GPR158: variants seen among roughly 807,000 people sequenced by gnomAD.
The protein encoded by GPR158 is metabotropic glycine receptor.
A neutral mutation model predicts 78.2 loss-of-function variants in GPR158; 30 were observed. The observed-to-expected ratio is 0.38, with a 90% confidence interval of 0.29 to 0.52. The LOEUF (loss-of-function observed/expected upper bound fraction) is 0.52. GPR158 is among the 20% of genes least tolerant of loss of function. The pLI is 0.83. For synonymous variants in GPR158, 581 were observed against 591.1 expected (o/e 0.98, Z 0.25); for missense variants, 1,463 against 1,523.5 (o/e 0.96, Z 0.66).
intron 4 of GPR158, among the ~76,000 whole-genome samples, chr10:25,431,998 A>G (rs1834916148): frequency 1.2e-5 from 1 of 80,240 alleles, no homozygotes; most frequent in South Asian, 4.6e-4. Flanking sequence ...AACTTAAAGT[A>G]TAATAATAAT....
At position 25,235,288 on chromosome 10, in the gene GPR158, C is replaced by T. The variant is rs112447254; in HGVS notation, c.1008+14131C>T. Among the ~76,000 whole-genome samples the T allele has an allele frequency of 3.1e-3, 475 of 152,246 alleles. 5 individuals are homozygous for T. The highest frequency in any genetic ancestry group is 0.011 in the African/African-American group (461 of 41,538). On this transcript the variant is annotated intron_variant, in intron 2 of 10. Coordinates refer to ENST00000376351, the MANE Select transcript of GPR158 (RefSeq NM_020752.3). ...TGTGATATAAATTTTACTTCAATATCTCATGAATCTATTTTCTTCTCTTAT... is the reference window on the plus strand; with the variant it reads ...TGTGATATAAATTTTACTTCAATATTTCATGAATCTATTTTCTTCTCTTAT...
chr10:25,581,893 TA>T (rs975296176), intron 7 of GPR158, among the ~76,000 whole-genome samples: 6 of 151,412 alleles, frequency 4.0e-5, no homozygotes, highest in Admixed American at 6.6e-5. Context: ...GTAATTTACT[TA>T]AAAAAAAAGT....
chr10:25,262,555 G>T (rs1588764534), intron 2 of GPR158, among the ~76,000 whole-genome samples: 1 of 151,668 alleles, frequency 6.6e-6, no homozygotes, highest in African/African-American at 2.4e-5. Context: ...TTACAATTTT[G>T]CAAAATTAAT....
At chr10:25,581,883 G>T (rs1439401734) in intron 7 of GPR158, among the ~76,000 whole-genome samples, 1 of 152,112 alleles carries the variant, frequency 6.6e-6, no homozygotes, top group Non-Finnish European at 1.5e-5. Context: ...CTGAGACTGG[G>T]TAATTTACTT....
At chr10:25,438,159 G>C (rs1835023515) in intron 4 of GPR158, among the ~76,000 whole-genome samples, 1 of 152,172 alleles carries the variant, frequency 6.6e-6, no homozygotes, top group African/African-American at 2.4e-5. Context: ...TTCTGGCTGG[G>C]ATTTGGAATA....
chr10:25,455,854 A>G (rs1186166430), intron 4 of GPR158, among the ~76,000 whole-genome samples: 1 of 152,110 alleles, frequency 6.6e-6, no homozygotes, highest in East Asian at 1.9e-4. Flanking sequence ...GCTAATTAAT[A>G]TTTTCCCCTC....
intron 2 of GPR158, among the ~76,000 whole-genome samples, chr10:25,228,608 G>A (rs1853405041): frequency 6.6e-6 from 1 of 152,186 alleles, no homozygotes; most frequent in South Asian, 2.1e-4. Context: ...ATGATTGTAA[G>A]AAAGGCTTTC....
Position 25,452,800 on chromosome 10 carries a change from C to T in GPR158, c.1336-13851C>T, listed in dbSNP as rs149740295. ...AAACCAAATTAATTAACACATCCATCGCCACCCATTCTGTATATTAGATCC... is the reference window on the plus strand; with the variant it reads ...AAACCAAATTAATTAACACATCCATTGCCACCCATTCTGTATATTAGATCC... On this transcript the variant is annotated intron_variant, in intron 4 of 10. Transcript: ENST00000376351. 9.2e-5 allele frequency among the ~76,000 whole-genome samples: 14 copies of T among 152,266 alleles called. No homozygotes were observed. The South Asian group carries it at 1.5e-3, about 16-fold the overall frequency.
In GPR158 at chr10:25,486,314, C is replaced by A. The variant is rs76085099; in HGVS notation, c.1404+19595C>A. 2.4e-4 allele frequency among the ~76,000 whole-genome samples: 36 copies of A among 152,226 alleles called. No individual in the cohort carries two copies. The East Asian group carries it at 4.3e-3, about 18-fold the overall frequency. On this transcript the variant is annotated intron_variant, in intron 5 of 10. Coordinates refer to ENST00000376351, the MANE Select transcript of GPR158 (RefSeq NM_020752.3). ...GCTTACTTATCTGAACAATCTTGAG[C>A]TTTACAGTATAGCAGTTAGGAGCAT...
At chr10:25,195,261 A>G (rs1239855398) in intron 1 of GPR158, among the ~76,000 whole-genome samples, 1 of 151,288 alleles carries the variant, frequency 6.6e-6, no homozygotes, top group East Asian at 1.9e-4. Context: ...GCTGGAGTGC[A>G]GTGGCATGAT....
At position 25,396,004 on chromosome 10, in the gene GPR158, A is replaced by G. The variant is rs762424522; in HGVS notation, c.1102A>G (p.Asn368Asp). ...FYHPGVLPVN[N>D]FRRRGPDQHI... ...TCATCCTGGAGTCTTACCAGTGAAC[A>G]ACTTTCGGAGTAAGTGCCCTTTGTT... The change falls in exon 3 of 11, where the codon AAC becomes GAC. Residue 368 changes from asparagine to aspartate, a missense_variant. By Grantham distance (23) the Asn-to-Asp change is conservative (BLOSUM62 1). Coordinates refer to ENST00000376351, the MANE Select transcript of GPR158 (RefSeq NM_020752.3). 6.5e-7 allele frequency: 1 copy of G among 1,547,838 alleles called. No individual in the cohort carries two copies. The highest frequency in any genetic ancestry group is 8.9e-7 in the Non-Finnish European group (1 of 1,119,738).
chr10:25,316,397 A>G (rs763811935), intron 2 of GPR158, among the ~76,000 whole-genome samples: 2 of 151,234 alleles, frequency 1.3e-5, no homozygotes, highest in Non-Finnish European at 2.9e-5. Context: ...AAAGAACTTA[A>G]TAAATATTTA....
At chr10:25,204,845 G>A (rs1236566997) in intron 1 of GPR158, among the ~76,000 whole-genome samples, 14 of 121,018 alleles carry the variant, frequency 1.2e-4, no homozygotes, top group Admixed American at 2.4e-4. Flanking sequence ...TTGTCATTTC[G>A]GTGGGGTCGG....
At chr10:25,378,236 C>T (rs1462909239) in intron 2 of GPR158, among the ~76,000 whole-genome samples, 1 of 152,118 alleles carries the variant, frequency 6.6e-6, no homozygotes, top group Non-Finnish European at 1.5e-5. Flanking sequence ...ACCAACTTAT[C>T]CCTTTAGAAA....
intron 2 of GPR158, among the ~76,000 whole-genome samples, chr10:25,300,765 G>A (rs186532319): frequency 6.6e-6 from 1 of 152,166 alleles, no homozygotes; most frequent in Admixed American, 6.5e-5. Context: ...GTCCTCAATT[G>A]TTTAAATCAC....
intron 2 of GPR158, among the ~76,000 whole-genome samples, chr10:25,235,887 G>A (rs1007553849): frequency 6.6e-5 from 10 of 151,716 alleles, no homozygotes; most frequent in South Asian, 6.3e-4. Context: ...TAGTAGAGAC[G>A]GGGTTTCATC....
chr10:25,230,582 G>C (rs894342278), intron 2 of GPR158, among the ~76,000 whole-genome samples: 1 of 152,104 alleles, frequency 6.6e-6, no homozygotes, highest in Non-Finnish European at 1.5e-5. Flanking sequence ...GAAGACTCGT[G>C]GGTGATGTGA....
rs1183334675 is a variant in GPR158, at chr10:25,600,611, CT to C, written c.*1338del. The C allele has an allele frequency of 5.2e-5, 8 of 152,692 alleles. No homozygotes were observed. Among genetic ancestry groups the C allele is most frequent in the Admixed American group, 3.3e-4 (5 of 15,282 alleles). 9.5% of individuals were successfully genotyped at this position (152,692 alleles called of 1,614,324 possible). On this transcript the variant is annotated 3_prime_UTR_variant, in exon 11 of 11. Transcript: ENST00000376351. Reference sequence around the variant, plus strand: ...CATAAACTCTTATTCATTGCTTCAGCTACAGGTAGAACTTGCTGGGCTCAAA... The same window carrying C: ...CATAAACTCTTATTCATTGCTTCAGCACAGGTAGAACTTGCTGGGCTCAAA...
In GPR158 at chr10:25,317,730, TGTTTTG is replaced by T. The variant is rs1564420571; in HGVS notation, c.1009-78180_1009-78175del. Among the ~76,000 whole-genome samples, 17 of 145,174 alleles carry T rather than the reference TGTTTTG, an allele frequency of 1.2e-4. 3 individuals carry two copies. Among genetic ancestry groups the T allele is most frequent in the African/African-American group, 4.2e-4 (15 of 35,772 alleles). On this transcript the variant is annotated intron_variant, in intron 2 of 10. Coordinates refer to ENST00000376351, the MANE Select transcript of GPR158 (RefSeq NM_020752.3). ...CTTCGTAAAGTGTTTTTTTTTGTTT[TGTTTTG>T]TTTTGTTTTTGAGACAGAGTCTCGC...
Sources: allele counts gnomAD v4.1 joint callset (sites outside exome capture counted in the v4.1 genomes callset), GRCh38; gene constraint gnomAD v4.1.1; transcripts MANE v1.5; gene names NCBI Gene and HGNC (gene_info 2026-07-23, HGNC 2026-07-21).